GRAMD2B: variants seen among roughly 807,000 people sequenced by gnomAD.
GRAMD2B encodes the protein GRAM domain containing 2B.
A neutral mutation model predicts 59.2 loss-of-function variants in GRAMD2B; 41 were observed. That is an observed-to-expected ratio of 0.69 (90% confidence interval 0.54 to 0.90). GRAMD2B has a LOEUF of 0.90. GRAMD2B is among the 40% of genes least tolerant of loss of function. The pLI, the probability that GRAMD2B is intolerant of heterozygous loss-of-function variation, is 0.00. For synonymous variants in GRAMD2B, 161 were observed against 182.7 expected (o/e 0.88, Z 0.96); for missense variants, 424 against 500.5 (o/e 0.85, Z 1.46).
intron 1 of GRAMD2B, chr5:126,371,697 G>A: frequency 1.3e-6 from 1 of 796,402 alleles, no homozygotes; most frequent in Non-Finnish European, 1.7e-6. Flanking sequence ...AGAAGGTGCA[G>A]CCTAGGCATC....
chr5:126,364,340 T>C (rs539835595), intron 1 of GRAMD2B, among the ~76,000 whole-genome samples: 147 of 152,298 alleles, frequency 9.7e-4, no homozygotes, highest in African/African-American at 3.4e-3. Context: ...ATTCCTGAAA[T>C]TCAGAAAATT....
chr5:126,416,629 C>T (rs1759291765), intron 1 of GRAMD2B, among the ~76,000 whole-genome samples: 1 of 152,220 alleles, frequency 6.6e-6, no homozygotes, highest in Non-Finnish European at 1.5e-5. Context: ...CCTTCTCCCG[C>T]CAACCTTCTC....
intron 9 of GRAMD2B, 96 bp from the exon 10 acceptor site, chr5:126,484,306 C>CATT: frequency 7.2e-7 from 1 of 1,384,782 alleles, no homozygotes; most frequent in Non-Finnish European, 9.8e-7. Flanking sequence ...CATTCTTGAC[C>CATT]ATTATGCATG....
intron 1 of GRAMD2B, among the ~76,000 whole-genome samples, chr5:126,404,742 A>G (rs1758123728): frequency 6.6e-6 from 1 of 151,956 alleles, no homozygotes; most frequent in Admixed American, 6.6e-5. Flanking sequence ...TGGCACTAAG[A>G]GGAGGAGAGG....
intron 1 of GRAMD2B, among the ~76,000 whole-genome samples, chr5:126,458,513 T>C (rs1766755030): frequency 6.6e-6 from 1 of 152,086 alleles, no homozygotes; most frequent in East Asian, 1.9e-4. Context: ...TCCTCATCTT[T>C]GTACGTTCAT....
chr5:126,445,172 C>G lies in GRAMD2B; in HGVS notation c.84-20254C>G, dbSNP rs904143107. ...GCAGTGAACATACTTGTGCCTGTAT[C>G]TTTATAACAGAATGATTTCTGTTCC... is the stretch of plus-strand genomic sequence containing the variant. On this transcript the variant is annotated intron_variant, in intron 1 of 13. Transcript: ENST00000285689. 9.2e-5 allele frequency among the ~76,000 whole-genome samples: 14 copies of G among 152,224 alleles called. No homozygotes were observed. In the East Asian group the frequency reaches 1.2e-3, roughly 13 times the overall value.
intron 1 of GRAMD2B, among the ~76,000 whole-genome samples, chr5:126,414,858 T>C (rs975982788): frequency 3.9e-5 from 6 of 152,138 alleles, no homozygotes; most frequent in Non-Finnish European, 7.4e-5. Context: ...TGAATAGACT[T>C]CAATAACTAC....
chr5:126,446,541 T>C (rs1764264142), intron 1 of GRAMD2B, among the ~76,000 whole-genome samples: 1 of 151,776 alleles, frequency 6.6e-6, no homozygotes, highest in Non-Finnish European at 1.5e-5. Flanking sequence ...TTTTAAAACA[T>C]TCACTGCTTC....
intron 1 of GRAMD2B, among the ~76,000 whole-genome samples, chr5:126,397,028 T>A (rs1267148862): frequency 6.6e-6 from 1 of 152,138 alleles, no homozygotes; most frequent in East Asian, 1.9e-4. Flanking sequence ...GGGTTGTTTG[T>A]TTGTTGTTTG....
At chr5:126,460,960 G>A (rs984800927) in intron 1 of GRAMD2B, among the ~76,000 whole-genome samples, 1 of 152,180 alleles carries the variant, frequency 6.6e-6, no homozygotes, top group African/African-American at 2.4e-5. Context: ...AATTGTAGAT[G>A]TAAAACTACC....
intron 1 of GRAMD2B, among the ~76,000 whole-genome samples, chr5:126,417,246 A>G (rs1055958568): frequency 6.6e-6 from 1 of 152,250 alleles, no homozygotes; most frequent in South Asian, 2.1e-4. Context: ...GAAAAGCTGC[A>G]TGACCTCCAA....
At chr5:126,458,099 T>G (rs1392196617) in intron 1 of GRAMD2B, among the ~76,000 whole-genome samples, 1 of 152,186 alleles carries the variant, frequency 6.6e-6, no homozygotes, top group East Asian at 1.9e-4. Flanking sequence ...TCAAGTTTTC[T>G]TCAAAGAAAT....
At chr5:126,442,879 T>A (rs1362680523) in intron 1 of GRAMD2B, among the ~76,000 whole-genome samples, 1 of 152,184 alleles carries the variant, frequency 6.6e-6, no homozygotes, top group Admixed American at 6.5e-5. Context: ...TAATTTCATT[T>A]CCCAAAGAAA....
chr5:126,467,766 T>G (rs1768733211), intron 2 of GRAMD2B: 1 of 152,258 alleles, frequency 6.6e-6, no homozygotes, highest in African/African-American at 2.4e-5. Flanking sequence ...TGTCTGTGAA[T>G]AGCTTCAATG....
intron 1 of GRAMD2B, among the ~76,000 whole-genome samples, chr5:126,433,009 T>G (rs981452064): frequency 6.6e-6 from 1 of 152,220 alleles, no homozygotes; most frequent in African/African-American, 2.4e-5. Context: ...ATGGGTACCA[T>G]GCTAAGTGTC....
chr5:126,454,069 A>G (rs1765835415), intron 1 of GRAMD2B, among the ~76,000 whole-genome samples: 1 of 152,076 alleles, frequency 6.6e-6, no homozygotes, highest in African/African-American at 2.4e-5. Flanking sequence ...AGGAGGGAGC[A>G]GAGAACTGAG....
At chr5:126,414,094 G>C (rs1430520756) in intron 1 of GRAMD2B, among the ~76,000 whole-genome samples, 2 of 152,072 alleles carry the variant, frequency 1.3e-5, no homozygotes, top group African/African-American at 2.4e-5. Context: ...CAATCCCTTA[G>C]ACATCCAGTG....
At chr5:126,389,598 A>G (rs948972663) in intron 1 of GRAMD2B, among the ~76,000 whole-genome samples, 4 of 152,248 alleles carry the variant, frequency 2.6e-5, no homozygotes, top group East Asian at 1.9e-4. Context: ...GTGTGCTTAA[A>G]ATAAATGTTT....
chr5:126,456,502 T>C (rs6879934), intron 1 of GRAMD2B, among the ~76,000 whole-genome samples: 68,257 of 152,026 alleles, frequency 0.45, 15,413 homozygotes, highest in East Asian at 0.62. Flanking sequence ...TGAGCCACCA[T>C]ACCCAGCCTA....
Sources: gnomAD v4.1 joint callset for allele counts (sites outside exome capture counted in the v4.1 genomes callset) on GRCh38, gnomAD v4.1.1 for gene constraint, MANE v1.5 for transcripts, NCBI Gene and HGNC (gene_info 2026-07-23, HGNC 2026-07-21) for gene names.